Variants in UBA2 observed in about 807,000 individuals in gnomAD.
UBA2 encodes the protein ubiquitin like modifier activating enzyme 2.
Under a neutral mutation model 77.2 loss-of-function variants are expected in UBA2, and 11 were observed. The observed-to-expected ratio is 0.14, with a 90% confidence interval of 0.09 to 0.24. The LOEUF is 0.24. UBA2 is among the 10% of genes least tolerant of loss of function. UBA2 has a pLI of 1.00. For missense variants in UBA2, 487 were observed against 781.7 expected, an observed-to-expected ratio of 0.62 and a Z score of 4.50; for synonymous variants, 278 against 276.7, an observed-to-expected ratio of 1.00 and a Z score of -0.05.
At chr19:34,457,179 A>AAAAAAATATATATATATATAT (rs1262007864) in intron 12 of UBA2, among the ~76,000 whole-genome samples, 4 of 53,220 alleles carry the variant, frequency 7.5e-5, no homozygotes, top group Non-Finnish European at 6.0e-5. Context: ...AAAAAAAAAA[A>AAAAAAATATATATATATATAT]ATATATATAT....
At chr19:34,466,656 G>A (rs1041362127) in intron 15 of UBA2, among the ~76,000 whole-genome samples, 2 of 152,114 alleles carry the variant, frequency 1.3e-5, no homozygotes, top group Non-Finnish European at 2.9e-5. Flanking sequence ...CACTTTAGGA[G>A]ACCAAGGTGG....
At chr19:34,447,113 C>T (rs2075440532) in intron 8 of UBA2, among the ~76,000 whole-genome samples, 1 of 152,114 alleles carries the variant, frequency 6.6e-6, no homozygotes, top group African/African-American at 2.4e-5. Flanking sequence ...CAGTCTGAGT[C>T]TCAAAACTGG....
chr19:34,466,741 A>C (rs2075692103), intron 15 of UBA2, 137 bp from the exon 16 acceptor site: 1 of 646,828 alleles, frequency 1.5e-6, no homozygotes, highest in Non-Finnish European at 2.4e-6. Context: ...TTTTTTTTTA[A>C]ATAAAAATTA....
Position 34,470,715 on chromosome 19 carries a change from G to A in UBA2, c.*1494G>A, listed in dbSNP as rs1011572712. ...TTTTTTGTATTTTTAGTAGAGATGG[G>A]GTTTCACTATGTTGGCCAGGCTGGT... On this transcript the variant is annotated 3_prime_UTR_variant, in exon 17 of 17. Coordinates refer to ENST00000246548, the MANE Select transcript of UBA2 (RefSeq NM_005499.3). The A allele has an allele frequency of 2.0e-5, 3 of 152,186 alleles. No homozygotes were observed. The highest frequency in any genetic ancestry group is 4.4e-5 in the Non-Finnish European group (3 of 68,110). 9.4% of individuals were successfully genotyped at this position (152,186 alleles called of 1,614,324 possible).
chr19:34,464,055 G>A lies in UBA2; in HGVS notation c.1528G>A (p.Gly510Arg). 20 of 1,613,792 alleles carry A rather than the reference G, an allele frequency of 1.2e-5. No individual in the cohort carries two copies. The highest frequency in any genetic ancestry group is 1.7e-5 in the Non-Finnish European group (20 of 1,179,766). Residue 510 changes from glycine (G) to arginine (R), a missense_variant, in exon 15 of 17, where the codon GGA becomes AGA. Physicochemically the swap from Gly to Arg is moderately radical, Grantham distance 125. Transcript: ENST00000246548. ...ANNHKKLSEF[G>R]IRNGSRLQAD... ...TAATCACAAGAAGTTGTCAGAATTT[G>A]GAATTAGAAATGGCAGCCGGCTTCA...
chr19:34,448,671 C>T (rs1190724314), intron 8 of UBA2, among the ~76,000 whole-genome samples: 1 of 152,026 alleles, frequency 6.6e-6, no homozygotes, highest in Non-Finnish European at 1.5e-5. Context: ...TGATAATAAT[C>T]AATTTTGAAC....
chr19:34,435,896 G>A (rs140435786), intron 5 of UBA2, among the ~76,000 whole-genome samples: 126 of 151,348 alleles, frequency 8.3e-4, no homozygotes, highest in Non-Finnish European at 1.4e-3. Context: ...CGAAGCGAGC[G>A]GATCACCTGA....
At chr19:34,435,288 C>T (rs1181096540) in intron 5 of UBA2, among the ~76,000 whole-genome samples, 1 of 152,112 alleles carries the variant, frequency 6.6e-6, no homozygotes, top group Non-Finnish European at 1.5e-5. Context: ...ATCCCAGCTA[C>T]TTGGGAGGCT....
chr19:34,428,395 C>T lies in UBA2; in HGVS notation c.-38C>T. The T allele has an allele frequency of 4.0e-6, 5 of 1,234,898 alleles. No individual in the cohort carries two copies. Among genetic ancestry groups the T allele is most frequent in the Non-Finnish European group, 5.1e-6 (5 of 988,336 alleles). 76.5% of individuals were successfully genotyped at this position (1,234,898 alleles called of 1,614,324 possible). A position where few individuals can be genotyped will look rare whatever the true frequency, so the allele number is the denominator to read the frequency against. On this transcript the variant is annotated 5_prime_UTR_variant, in exon 1 of 17. Coordinates refer to ENST00000246548, the MANE Select transcript of UBA2 (RefSeq NM_005499.3). ...CGCTTCCGGCCGCGGCTCGGTTCTC[C>T]CGCCTCCGCCTCCGCCGCGGCTCGT...
Position 34,464,386 on chromosome 19 carries a change from C to G in UBA2, c.1604+255C>G, listed in dbSNP as rs189341974. Among the ~76,000 whole-genome samples, 67 of 152,022 alleles carry G rather than the reference C, an allele frequency of 4.4e-4. 1 individual carries two copies. The East Asian group carries it at 0.013, about 29-fold the overall frequency. ...CAACCTGGCCAACACGGTGAAACCC[C>G]GTCTCTGCTAAAAATGCAAAAATTA... On this transcript the variant is annotated intron_variant, in intron 15 of 16. Coordinates refer to ENST00000246548, the MANE Select transcript of UBA2 (RefSeq NM_005499.3).
chr19:34,441,450 G>A (rs1438647834), intron 6 of UBA2, among the ~76,000 whole-genome samples: 6 of 150,544 alleles, frequency 4.0e-5, no homozygotes, highest in East Asian at 1.9e-4. Context: ...GCGATACTCC[G>A]TCTCAAAAAA....
chr19:34,460,663 G>T, intron 14 of UBA2, 97 bp downstream of exon 14: 1 of 815,856 alleles, frequency 1.2e-6, no homozygotes, highest in Non-Finnish European at 1.9e-6. Context: ...ACTCAGTATT[G>T]CAGAGAGTGG....
intron 6 of UBA2, among the ~76,000 whole-genome samples, chr19:34,443,113 A>C (rs1298713968): frequency 6.6e-6 from 1 of 152,218 alleles, no homozygotes; most frequent in Non-Finnish European, 1.5e-5. Flanking sequence ...CATGAAAAAA[A>C]GTTAATCTTG....
intron 10 of UBA2, among the ~76,000 whole-genome samples, chr19:34,453,056 T>C (rs1299609802): frequency 6.6e-6 from 1 of 152,214 alleles, no homozygotes; most frequent in Non-Finnish European, 1.5e-5. Flanking sequence ...TTGAGTAAAG[T>C]CCACATGTAA....
At chr19:34,450,645 TGTCA>T (rs1226422362) in intron 9 of UBA2, among the ~76,000 whole-genome samples, 2 of 152,164 alleles carry the variant, frequency 1.3e-5, no homozygotes, top group African/African-American at 2.4e-5. Flanking sequence ...CACTTGCTTT[TGTCA>T]GTCAGTATAG....
At chr19:34,458,391 T>C (rs1427838541) in intron 12 of UBA2, among the ~76,000 whole-genome samples, 1 of 144,260 alleles carries the variant, frequency 6.9e-6, no homozygotes, top group Non-Finnish European at 1.5e-5. Flanking sequence ...CCGTCTCTAC[T>C]AAAAAAAAAA....
At chr19:34,458,969 T>G (rs2075602357) in intron 13 of UBA2, 45 bp downstream of exon 13, 10 of 1,549,130 alleles carry the variant, frequency 6.5e-6, no homozygotes, top group Non-Finnish European at 8.8e-6. Context: ...TTTTACAGTA[T>G]TACTGTGATG....
Position 34,464,086 on chromosome 19 carries a change from A to T in UBA2, c.1559A>T (p.Asp520Val), listed in dbSNP as rs774733807. ...GIRNGSRLQA[D>V]DFLQDYTLLI... ...AGAAATGGCAGCCGGCTTCAAGCAG[A>T]TGACTTCCTCCAGGACTATACTTTA... Residue 520 changes from aspartate (D) to valine (V), a missense_variant, in exon 15 of 17, where the codon GAT becomes GTT. Transcript: ENST00000246548. The T allele has an allele frequency of 1.9e-6, 3 of 1,614,002 alleles. No individual in the cohort carries two copies. Among genetic ancestry groups the T allele is most frequent in the Non-Finnish European group, 2.5e-6 (3 of 1,179,892 alleles).
chr19:34,456,454 G>T (rs939583248), intron 12 of UBA2, among the ~76,000 whole-genome samples: 3 of 152,018 alleles, frequency 2.0e-5, no homozygotes, highest in African/African-American at 7.2e-5. Context: ...TGAAATTTCA[G>T]TTTGAAGGAA....
Sources: gnomAD v4.1 joint callset for allele counts (sites outside exome capture counted in the v4.1 genomes callset) on GRCh38, gnomAD v4.1.1 for gene constraint, MANE v1.5 for transcripts, NCBI Gene and HGNC (gene_info 2026-07-23, HGNC 2026-07-21) for gene names.